Variants in FKBP1A observed in about 807,000 individuals in gnomAD.
The protein encoded by FKBP1A is peptidyl-prolyl cis-trans isomerase FKBP1A.
A neutral mutation model predicts 14.2 loss-of-function variants in FKBP1A; 5 were observed. That is an observed-to-expected ratio of 0.35 (90% confidence interval 0.18 to 0.74). FKBP1A has a LOEUF of 0.74. Ranked by LOEUF, FKBP1A falls within the 30% of genes least tolerant of loss-of-function variation. The pLI, the probability that FKBP1A is intolerant of heterozygous loss-of-function variation, is 0.56. For missense variants in FKBP1A, 53 were observed against 138.8 expected (o/e 0.38, Z 3.10); for synonymous variants, 42 against 49.1 (o/e 0.86, Z 0.60).
intron 2 of FKBP1A, among the ~76,000 whole-genome samples, chr20:1,390,481 C>T (rs1387172315): frequency 6.6e-6 from 1 of 152,128 alleles, no homozygotes; most frequent in Non-Finnish European, 1.5e-5. Flanking sequence ...CAAAACAAAA[C>T]ACAAAACAAC....
At chr20:1,377,619 T>A (rs767991782) in intron 2 of FKBP1A, 4 of 152,298 alleles carry the variant, frequency 2.6e-5, no homozygotes, top group African/African-American at 4.8e-5. Flanking sequence ...ACACACTGCC[T>A]TTAGCCCACT....
chr20:1,382,866 G>C (rs1297421387), intron 2 of FKBP1A, among the ~76,000 whole-genome samples: 1 of 152,106 alleles, frequency 6.6e-6, no homozygotes, highest in Non-Finnish European at 1.5e-5. Context: ...TCCTTGGAAA[G>C]GGAGCAAAAG....
rs970053496 is a variant in FKBP1A, at chr20:1,381,688, C to T, written c.86-6085G>A. Among the ~76,000 whole-genome samples, 24 of 152,260 alleles carry T rather than the reference C, an allele frequency of 1.6e-4. 1 individual carries two copies. The highest frequency in any genetic ancestry group is 1.1e-3 in the Admixed American group (17 of 15,292). On this transcript the variant is annotated intron_variant, in intron 2 of 4. Transcript: ENST00000400137. ...ATAAACTAACCCAAACATCCACCAA[C>T]GGGTAAGTTGGTAAATACATGTTTC...
At chr20:1,370,142 G>T (rs529713198) in intron 4 of FKBP1A, 70 bp from the exon 5 acceptor site, 1 of 1,524,156 alleles carries the variant, frequency 6.6e-7, no homozygotes, top group African/African-American at 1.4e-5. Context: ...CGACAGCCAC[G>T]ATGCCATCTG....
chr20:1,389,306 C>T (rs2089705591), intron 2 of FKBP1A, among the ~76,000 whole-genome samples: 1 of 152,208 alleles, frequency 6.6e-6, no homozygotes, highest in Non-Finnish European at 1.5e-5. Context: ...CTTGTTGCAG[C>T]CCTGCCCAAC....
At chr20:1,383,637 G>A (rs1418634979) in intron 2 of FKBP1A, among the ~76,000 whole-genome samples, 1 of 149,060 alleles carries the variant, frequency 6.7e-6, no homozygotes, top group Non-Finnish European at 1.5e-5. Flanking sequence ...AACCAGCCTG[G>A]GCAACACAGC....
chr20:1,381,694 A>C (rs1388336561), intron 2 of FKBP1A, among the ~76,000 whole-genome samples: 4 of 152,220 alleles, frequency 2.6e-5, no homozygotes, highest in African/African-American at 9.6e-5. Flanking sequence ...CCAACGGGTA[A>C]GTTGGTAAAT....
rs919112170 is a variant in FKBP1A, at chr20:1,379,351, TCTG to T, written c.86-3751_86-3749del. On this transcript the variant is annotated intron_variant, in intron 2 of 4. Coordinates refer to ENST00000400137, the MANE Select transcript of FKBP1A (RefSeq NM_000801.5). The surrounding 1 kb of genome is among the most constrained non-coding windows in gnomAD (Gnocchi z 4.3). ...AGCACTAGGCAGGACACAGCCTGAA[TCTG>T]CTGCTGCTGCTGCTGCTGAGCCAGC... is the stretch of plus-strand genomic sequence containing the variant. Among the ~76,000 whole-genome samples the T allele has an allele frequency of 1.3e-5, 2 of 151,932 alleles. No individual in the cohort carries two copies. The highest frequency in any genetic ancestry group is 4.8e-5 in the African/African-American group (2 of 41,434).
At chr20:1,389,333 C>T (rs752519002) in intron 2 of FKBP1A, among the ~76,000 whole-genome samples, 2 of 152,196 alleles carry the variant, frequency 1.3e-5, no homozygotes, top group African/African-American at 2.4e-5. Flanking sequence ...AGCCTGTGTG[C>T]CTCAAGACAG....
At chr20:1,370,113 T>C (rs2122648045) in intron 4 of FKBP1A, 41 bp from the exon 5 acceptor site, 3 of 1,540,486 alleles carry the variant, frequency 1.9e-6, no homozygotes, top group East Asian at 4.9e-5. Context: ...AGCAACTCAG[T>C]GTTCTTTGTG....
At chr20:1,392,711 A>G in intron 2 of FKBP1A, 123 bp downstream of exon 2, 1 of 620,004 alleles carries the variant, frequency 1.6e-6, no homozygotes, top group Admixed American at 4.6e-5. Context: ...GCCTCGGGCC[A>G]TGCGGACCTC....
intron 3 of FKBP1A, 24 bp downstream of exon 3, chr20:1,375,467 A>C (rs772970172): frequency 6.5e-7 from 1 of 1,548,048 alleles, no homozygotes; most frequent in Non-Finnish European, 8.9e-7. Flanking sequence ...TAGAAAGCAA[A>C]ACAAAACAAA....
intron 2 of FKBP1A, among the ~76,000 whole-genome samples, chr20:1,385,633 T>C (rs1282785184): frequency 1.3e-5 from 2 of 152,172 alleles, no homozygotes; most frequent in African/African-American, 4.8e-5. Context: ...TCTCAGGAGA[T>C]AAAACTCTTA....
intron 2 of FKBP1A, among the ~76,000 whole-genome samples, chr20:1,392,480 G>A (rs1370260742): frequency 6.6e-6 from 1 of 152,182 alleles, no homozygotes; most frequent in African/African-American, 2.4e-5. Context: ...ATTCCTGAAA[G>A]TGTGACCTTG....
chr20:1,380,988 A>G (rs1568589489), intron 2 of FKBP1A, among the ~76,000 whole-genome samples: 1 of 152,224 alleles, frequency 6.6e-6, no homozygotes, highest in African/African-American at 2.4e-5. Context: ...CCTAAATGTT[A>G]AGTACTAAAC....
Position 1,371,252 on chromosome 20 carries a change from C to G in FKBP1A, c.*36+824G>C, listed in dbSNP as rs150388711. On this transcript the variant is annotated intron_variant, in intron 4 of 4. Coordinates refer to ENST00000400137, the MANE Select transcript of FKBP1A (RefSeq NM_000801.5). ...TAACACTTACATGAAAAGTTACGTG[C>G]TACTAGGATACTGAGTTTAGTTCCT... 4.0e-4 allele frequency: 382 copies of G among 961,290 alleles called. 4 individuals are homozygous for G. The East Asian group carries it at 0.026, about 66-fold the overall frequency. 59.5% of individuals were successfully genotyped at this position (961,290 alleles called of 1,614,324 possible). A position where few individuals can be genotyped will look rare whatever the true frequency, so the allele number is the denominator to read the frequency against.
intron 3 of FKBP1A, among the ~76,000 whole-genome samples, chr20:1,373,800 A>C (rs894497267): frequency 6.6e-6 from 1 of 152,214 alleles, no homozygotes; most frequent in Non-Finnish European, 1.5e-5. Context: ...AATGGCTGGC[A>C]TGAAAGATGG....
At chr20:1,389,703 T>G (rs1230697094) in intron 2 of FKBP1A, among the ~76,000 whole-genome samples, 1 of 152,188 alleles carries the variant, frequency 6.6e-6, no homozygotes, top group East Asian at 1.9e-4. Context: ...TTCAATCCCC[T>G]TGGGGCTGCT....
chr20:1,372,052 C>G (rs2089473200), intron 4 of FKBP1A, 24 bp downstream of exon 4: 4 of 1,605,870 alleles, frequency 2.5e-6, no homozygotes, highest in Non-Finnish European at 3.4e-6. Flanking sequence ...CAGTGAAGGG[C>G]CCTTCAGTAT....
Sources: gnomAD v4.1 joint callset for allele counts (sites outside exome capture counted in the v4.1 genomes callset) on GRCh38, gnomAD v4.1.1 for gene constraint, Gnocchi (gnomAD v3.1) non-coding constraint, MANE v1.5 for transcripts, NCBI Gene and HGNC (gene_info 2026-07-23, HGNC 2026-07-21) for gene names.